The following CDYL2 variants were observed in gnomAD, a reference collection of about 807,000 sequenced individuals.
The protein encoded by CDYL2 is chromodomain Y like 2, also known as chromodomain Y-like protein 2.
A neutral mutation model predicts 49.4 loss-of-function variants in CDYL2; 23 were observed. The observed-to-expected ratio is 0.47, with a 90% confidence interval of 0.34 to 0.66. CDYL2 has a LOEUF of 0.66. Ranked by LOEUF, CDYL2 falls within the 30% of genes least tolerant of loss-of-function variation. CDYL2 has a pLI of 0.01. For synonymous variants in CDYL2, 360 were observed against 268.8 expected (o/e 1.34, Z -3.32); for missense variants, 678 against 656.4 (o/e 1.03, Z -0.36).
At chr16:80,798,412 C>T (rs754215530) in intron 1 of CDYL2, among the ~76,000 whole-genome samples, 7 of 151,752 alleles carry the variant, frequency 4.6e-5, no homozygotes, top group Non-Finnish European at 8.8e-5. Flanking sequence ...ACAACCCCTC[C>T]CCTTCCTCCT....
In CDYL2 at chr16:80,725,789, G is replaced by A. The variant is rs191998859; in HGVS notation, c.25-40660C>T. On this transcript the variant is annotated intron_variant, in intron 1 of 6. Coordinates refer to ENST00000570137, the MANE Select transcript of CDYL2 (RefSeq NM_152342.4). ...CGCTTTAGCAACAAGCACGCTGCCC[G>A]CTATTCAAGAGGACTGGAATCTGAA... 1.3e-3 allele frequency among the ~76,000 whole-genome samples: 197 copies of A among 152,294 alleles called. 1 individual carries two copies. Among genetic ancestry groups the A allele is most frequent in the African/African-American group, 4.4e-3 (181 of 41,560 alleles).
chr16:80,625,105 G>T (rs1907244972), intron 3 of CDYL2, among the ~76,000 whole-genome samples: 1 of 152,160 alleles, frequency 6.6e-6, no homozygotes, highest in South Asian at 2.1e-4. Flanking sequence ...CTATAAATTT[G>T]GCAGCATAAA....
At chr16:80,722,003 G>C (rs559054842) in intron 1 of CDYL2, among the ~76,000 whole-genome samples, 60 of 152,304 alleles carry the variant, frequency 3.9e-4, no homozygotes, top group African/African-American at 1.4e-3. Flanking sequence ...CCTTCTTTGA[G>C]GAAGAAGTGG....
chr16:80,784,869 T>C (rs1567605979), intron 1 of CDYL2, among the ~76,000 whole-genome samples: 1 of 152,120 alleles, frequency 6.6e-6, no homozygotes, highest in African/African-American at 2.4e-5. Flanking sequence ...GGAGGCATCC[T>C]TAGTGAAACA....
intron 1 of CDYL2, among the ~76,000 whole-genome samples, chr16:80,693,831 T>A (rs550931699): frequency 0.019 from 2,880 of 151,608 alleles, 30 homozygotes; most frequent in African/African-American, 0.029. Context: ...TACGCACTTT[T>A]AAAAAAAAAT....
chr16:80,780,381 T>C (rs895503144), intron 1 of CDYL2, among the ~76,000 whole-genome samples: 2 of 148,150 alleles, frequency 1.3e-5, no homozygotes, highest in Non-Finnish European at 3.0e-5. Context: ...AGGAAAATGA[T>C]ACAGATGCAC....
At chr16:80,786,555 G>C (rs1351291989) in intron 1 of CDYL2, among the ~76,000 whole-genome samples, 1 of 152,180 alleles carries the variant, frequency 6.6e-6, no homozygotes, top group African/African-American at 2.4e-5. Flanking sequence ...AGACAGTGTG[G>C]CAATTCCTCA....
chr16:80,601,048 T>G lies in CDYL2; in HGVS notation c.*3340A>C, dbSNP rs533223606. The G allele has an allele frequency of 6.6e-6, 1 of 152,354 alleles. No individual in the cohort carries two copies. The highest frequency in any genetic ancestry group is 2.4e-5 in the African/African-American group (1 of 41,582). 9.4% of individuals were successfully genotyped at this position (152,354 alleles called of 1,614,324 possible). ...ATTCTCTACTACTTTCTCATAGCTA[T>G]CCAATGTCATTCTTAGTGATTTTGA... On this transcript the variant is annotated 3_prime_UTR_variant, in exon 7 of 7. Coordinates refer to ENST00000570137, the MANE Select transcript of CDYL2 (RefSeq NM_152342.4).
At chr16:80,683,160 A>C (rs1197204232) in intron 2 of CDYL2, among the ~76,000 whole-genome samples, 1 of 152,144 alleles carries the variant, frequency 6.6e-6, no homozygotes, top group Non-Finnish European at 1.5e-5. Flanking sequence ...CCCTGCATCC[A>C]AGCATCCCGG....
intron 4 of CDYL2, among the ~76,000 whole-genome samples, chr16:80,615,730 G>A (rs1052774815): frequency 1.3e-5 from 2 of 152,108 alleles, no homozygotes; most frequent in Admixed American, 1.3e-4. Context: ...AATCAGGGAC[G>A]CAAGGGAAAG....
intron 1 of CDYL2, among the ~76,000 whole-genome samples, chr16:80,794,787 G>A (rs1039486706): frequency 6.6e-6 from 1 of 151,540 alleles, no homozygotes; most frequent in Non-Finnish European, 1.5e-5. Flanking sequence ...CTAATTTTGT[G>A]TTTTTAGTAG....
intron 1 of CDYL2, among the ~76,000 whole-genome samples, chr16:80,702,673 C>G (rs1289029998): frequency 1.3e-5 from 2 of 152,120 alleles, no homozygotes; most frequent in Non-Finnish European, 2.9e-5. Context: ...TCGCTTGAGC[C>G]CAGGAAGGCA....
chr16:80,658,679 C>T (rs1006624040), intron 2 of CDYL2, among the ~76,000 whole-genome samples: 1 of 152,118 alleles, frequency 6.6e-6, no homozygotes, highest in Non-Finnish European at 1.5e-5. Flanking sequence ...AAAAATTATA[C>T]ATATTTCCTA....
At chr16:80,712,924 C>G (rs1015184683) in intron 1 of CDYL2, among the ~76,000 whole-genome samples, 7 of 152,182 alleles carry the variant, frequency 4.6e-5, no homozygotes, top group Non-Finnish European at 8.8e-5. Context: ...CAAATGTGGA[C>G]TTCCTGCTAG....
chr16:80,690,322 A>C (rs905043981), intron 1 of CDYL2, among the ~76,000 whole-genome samples: 1 of 151,876 alleles, frequency 6.6e-6, no homozygotes, highest in Non-Finnish European at 1.5e-5. Flanking sequence ...TGGAGCAGTG[A>C]GGGGCCTTCC....
chr16:80,685,116 A>G lies in CDYL2; in HGVS notation c.38T>C (p.Val13Ala). ...TCCTTTCTTGTTCTTCCTCTTGTCTACAATCCTTTCAACCTGCGATACAAG... is the reference window on the plus strand; with the variant it reads ...TCCTTTCTTGTTCTTCCTCTTGTCTGCAATCCTTTCAACCTGCGATACAAG... ...SGDLYEVERIVDKRKNKKGKW... is the reference protein window; with the variant it reads ...SGDLYEVERIADKRKNKKGKW... The change falls in exon 2 of 7, where the codon GTA (valine) becomes GCA (alanine). Residue 13 changes from valine (V) to alanine (A), a missense_variant. By Grantham distance (64) the Val-to-Ala change is moderately conservative. Transcript: ENST00000570137. The G allele has an allele frequency of 6.2e-7, 1 of 1,610,652 alleles. No homozygotes were observed. The highest frequency in any genetic ancestry group is 1.1e-5 in the South Asian group (1 of 90,684).
intron 1 of CDYL2, among the ~76,000 whole-genome samples, chr16:80,779,193 C>T (rs189593864): frequency 2.8e-4 from 42 of 152,054 alleles, no homozygotes; most frequent in Admixed American, 2.2e-3. Flanking sequence ...AAATTACTCT[C>T]CTTTAAAAAA....
At chr16:80,721,269 A>G (rs1904989392) in intron 1 of CDYL2, among the ~76,000 whole-genome samples, 1 of 152,210 alleles carries the variant, frequency 6.6e-6, no homozygotes, top group East Asian at 1.9e-4. Context: ...TCCTCCCAAC[A>G]GTCCTCTGAG....
At chr16:80,804,921 G>A (rs1908055296), upstream of CDYL2, among the ~76,000 whole-genome samples, 1 of 152,066 alleles carries the variant, frequency 6.6e-6, no homozygotes, top group African/African-American at 2.4e-5. Flanking sequence ...CCCTCGAGGG[G>A]AGTGGACGCC....
Sources: gnomAD v4.1 joint callset for allele counts (sites outside exome capture counted in the v4.1 genomes callset) on GRCh38, gnomAD v4.1.1 for gene constraint, MANE v1.5 for transcripts, NCBI Gene and HGNC (gene_info 2026-07-23, HGNC 2026-07-21) for gene names.